TTC28: variants seen among roughly 807,000 people sequenced by gnomAD.
The protein encoded by TTC28 is tetratricopeptide repeat domain 28, also known as tetratricopeptide repeat protein 28.
TTC28 carries 61 observed loss-of-function variants against 198.0 expected under a neutral mutation model. The observed-to-expected ratio is 0.31, with a 90% CI of 0.25 to 0.38. TTC28 has a LOEUF of 0.38. Among genes scored for constraint, TTC28 ranks in the 10% least tolerant of loss-of-function variants. TTC28 has a pLI of 1.00. For missense variants in TTC28, 2,678 were observed against 3,164.0 expected, an observed-to-expected ratio of 0.85 and a Z score of 3.69; for synonymous variants, 1,171 against 1,297.8, an observed-to-expected ratio of 0.90 and a Z score of 2.10.
chr22:28,469,785 G>A (rs186302154), intron 2 of TTC28, among the ~76,000 whole-genome samples: 2 of 152,194 alleles, frequency 1.3e-5, no homozygotes, highest in African/African-American at 4.8e-5. Flanking sequence ...TCAGACTTTT[G>A]AGCTTCCAGA....
chr22:28,032,155 C>G (rs917671375), intron 12 of TTC28, among the ~76,000 whole-genome samples: 1 of 120,424 alleles, frequency 8.3e-6, no homozygotes, highest in African/African-American at 3.2e-5. Flanking sequence ...CTATTTATAT[C>G]TACTTAGTGT....
intron 12 of TTC28, among the ~76,000 whole-genome samples, chr22:28,052,245 A>T (rs1940117160): frequency 6.6e-6 from 1 of 152,222 alleles, no homozygotes; most frequent in South Asian, 2.1e-4. Context: ...GTACTTGATC[A>T]AAAGACATAA....
chr22:28,486,884 T>C (rs1021453323), intron 2 of TTC28, among the ~76,000 whole-genome samples: 4 of 152,224 alleles, frequency 2.6e-5, no homozygotes, highest in African/African-American at 9.6e-5. Flanking sequence ...CATCTGGCTC[T>C]TTCCTTAATA....
At chr22:28,645,882 G>A (rs571638055) in intron 1 of TTC28, among the ~76,000 whole-genome samples, 2 of 152,132 alleles carry the variant, frequency 1.3e-5, no homozygotes, top group African/African-American at 4.8e-5. Flanking sequence ...GTGCCTCAGC[G>A]TCCCACGTAG....
intron 14 of TTC28, among the ~76,000 whole-genome samples, chr22:28,009,320 C>T (rs557998674): frequency 1.3e-5 from 2 of 152,358 alleles, no homozygotes; most frequent in East Asian, 3.9e-4. Context: ...TGCGGCTAAA[C>T]AAAGGCAGTT....
chr22:28,088,209 A>T (rs979809655), intron 12 of TTC28, among the ~76,000 whole-genome samples: 1 of 152,196 alleles, frequency 6.6e-6, no homozygotes, highest in Admixed American at 6.5e-5. Context: ...TGCCAAGTCA[A>T]TCTTAAGCCA....
At chr22:28,353,780 GA>G (rs1479446357) in intron 2 of TTC28, among the ~76,000 whole-genome samples, 1 of 152,086 alleles carries the variant, frequency 6.6e-6, no homozygotes, top group Non-Finnish European at 1.5e-5. Context: ...TCATATACCT[GA>G]TAAGAGATTA....
Position 28,475,032 on chromosome 22 carries a change from C to T in TTC28, c.381+154520G>A, listed in dbSNP as rs182544425. 4.5e-3 allele frequency among the ~76,000 whole-genome samples: 688 copies of T among 151,560 alleles called. 3 individuals are homozygous for T. The highest frequency in any genetic ancestry group is 6.3e-3 in the Non-Finnish European group (426 of 67,848). On this transcript the variant is annotated intron_variant, in intron 2 of 22. Transcript: ENST00000397906. ...AAAAGAACATTAAGAAAACAAAAGT[C>T]CTAGCTACTCGGGAGGCTGAGGTGG...
intron 6 of TTC28, among the ~76,000 whole-genome samples, chr22:28,150,674 T>C (rs1304759276): frequency 6.6e-6 from 1 of 152,202 alleles, no homozygotes; most frequent in African/African-American, 2.4e-5. Context: ...CACTCACCAT[T>C]GCTGGCAAAG....
At chr22:28,409,780 C>T (rs944386600) in intron 2 of TTC28, among the ~76,000 whole-genome samples, 1 of 151,516 alleles carries the variant, frequency 6.6e-6, no homozygotes, top group African/African-American at 2.4e-5. Flanking sequence ...CCCCAGCCTC[C>T]CGAGTAGCTG....
Position 28,389,006 on chromosome 22 carries a change from G to A in TTC28, c.382-82363C>T, listed in dbSNP as rs867270729. 2.3e-3 allele frequency among the ~76,000 whole-genome samples: 356 copies of A among 152,016 alleles called. 3 individuals carry two copies. Among genetic ancestry groups the A allele is most frequent in the South Asian group, 9.4e-3 (45 of 4,812 alleles). On this transcript the variant is annotated intron_variant, in intron 2 of 22. Coordinates refer to ENST00000397906, the MANE Select transcript of TTC28 (RefSeq NM_001145418.2). ...TCATAGATAGCTCTTATTATTTTGA[G>A]ATACGTCCCATCAATACCTAATTTA...
intron 13 of TTC28, among the ~76,000 whole-genome samples, chr22:28,019,521 G>A (rs1452720830): frequency 6.6e-6 from 1 of 152,212 alleles, no homozygotes; most frequent in African/African-American, 2.4e-5. Flanking sequence ...GCTGGCAGCA[G>A]GCACCCCAGG....
At chr22:28,553,128 C>G (rs371991529) in intron 2 of TTC28, among the ~76,000 whole-genome samples, 13 of 152,132 alleles carry the variant, frequency 8.5e-5, no homozygotes, top group East Asian at 7.7e-4. Context: ...GCGTGATCTC[C>G]GCTCGCTGCA....
At chr22:28,411,506 G>A (rs2049475854) in intron 2 of TTC28, among the ~76,000 whole-genome samples, 1 of 152,146 alleles carries the variant, frequency 6.6e-6, no homozygotes, top group African/African-American at 2.4e-5. Flanking sequence ...AAGAAGATCT[G>A]AAAAAATTCA....
intron 5 of TTC28, among the ~76,000 whole-genome samples, chr22:28,187,010 G>C (rs569183335): frequency 6.6e-6 from 1 of 152,292 alleles, no homozygotes; most frequent in African/African-American, 2.4e-5. Context: ...GGTCAAAACA[G>C]TGGGAGAGAG....
chr22:28,544,013 G>C (rs1047159969), intron 2 of TTC28, among the ~76,000 whole-genome samples: 5 of 152,180 alleles, frequency 3.3e-5, no homozygotes, highest in Non-Finnish European at 5.9e-5. Flanking sequence ...CTGAGGTCAG[G>C]AGTTTGAGAC....
intron 12 of TTC28, among the ~76,000 whole-genome samples, chr22:28,054,764 T>A (rs1940212534): frequency 1.3e-5 from 2 of 152,138 alleles, no homozygotes; most frequent in African/African-American, 4.8e-5. Flanking sequence ...ATCAATAAAC[T>A]CTGCTTAATA....
chr22:28,637,006 T>G (rs1237752511), intron 1 of TTC28, among the ~76,000 whole-genome samples: 6 of 35,522 alleles, frequency 1.7e-4, no homozygotes, highest in African/African-American at 5.1e-4. Flanking sequence ...GGTCTTCAGT[T>G]TTTTTTTTTT....
intron 2 of TTC28, among the ~76,000 whole-genome samples, chr22:28,545,316 T>A (rs575832453): frequency 6.6e-6 from 1 of 152,204 alleles, no homozygotes; most frequent in South Asian, 2.1e-4. Flanking sequence ...ACACCTATAA[T>A]CCTAGCAATT....
Sources: gnomAD v4.1 joint callset for allele counts (sites outside exome capture counted in the v4.1 genomes callset) on GRCh38, gnomAD v4.1.1 for gene constraint, MANE v1.5 for transcripts, NCBI Gene and HGNC (gene_info 2026-07-23, HGNC 2026-07-21) for gene names.